The following SULT1C3 variants were observed in gnomAD, a reference collection of about 807,000 sequenced individuals.
SULT1C3 encodes the protein sulfotransferase family 1C member 3, also known as sulfotransferase 1C3.
In SULT1C3, 31 loss-of-function variants were observed where a neutral mutation model predicts 28.4. That is an observed-to-expected ratio of 1.09 (90% CI 0.82 to 1.47). SULT1C3 has a LOEUF of 1.47. SULT1C3 is among the 40% of genes most tolerant of loss of function. The pLI is 0.00. For synonymous variants in SULT1C3, 106 were observed against 92.2 expected, an observed-to-expected ratio of 1.15 and a Z score of -0.86; for missense variants, 307 against 272.5, an observed-to-expected ratio of 1.13 and a Z score of -0.89.
At chr2:108,245,378 A>G (rs1675553859) in intron 1 of SULT1C3, among the ~76,000 whole-genome samples, 1 of 152,202 alleles carries the variant, frequency 6.6e-6, no homozygotes, top group Non-Finnish European at 1.5e-5. Context: ...GGAGCATGCT[A>G]GATTGAACTC....
At chr2:108,240,528 CCAAA>C (rs1675441542) in intron 1 of SULT1C3, among the ~76,000 whole-genome samples, 1 of 151,954 alleles carries the variant, frequency 6.6e-6, no homozygotes, top group African/African-American at 2.4e-5. Flanking sequence ...TTTTATTTTC[CCAAA>C]CAAAGAAACC....
At chr2:108,264,710 A>T (rs1294448536), downstream of SULT1C3, 5 of 1,065,400 alleles carry the variant, frequency 4.7e-6, no homozygotes, top group Non-Finnish European at 6.7e-6. Context: ...AAATATTTTT[A>T]AAATGTGTTC....
At chr2:108,258,232 C>A (rs922600054) in intron 5 of SULT1C3, among the ~76,000 whole-genome samples, 2 of 152,082 alleles carry the variant, frequency 1.3e-5, no homozygotes, top group Admixed American at 1.3e-4. Flanking sequence ...TCCACTCATT[C>A]TCTTACCAAC....
intron 5 of SULT1C3, among the ~76,000 whole-genome samples, chr2:108,256,523 A>G (rs1371768600): frequency 1.3e-5 from 2 of 152,100 alleles, no homozygotes; most frequent in African/African-American, 2.4e-5. Flanking sequence ...CCACCATTTC[A>G]CTAACGTCTC....
rs61743463 is a variant in SULT1C3 at position 108,259,097 on chromosome 2, G to A, written c.753G>A (p.Ala251=). Residue 251 remains alanine, a synonymous_variant, in exon 7 of 8, where the codon GCG becomes GCA. Coordinates refer to ENST00000681802, the MANE Select transcript of SULT1C3 (RefSeq NM_001320878.2). The part of the protein sequence containing the change: ...MKDNPMANHT[A]VPAHIFNHSI... ...ATAATCCCATGGCCAACCATACTGC[G>A]GTACCTGCTCACATATTCAATCACT... 7.2e-4 allele frequency: 413 copies of A among 575,042 alleles called. 1 individual carries two copies. Among genetic ancestry groups the A allele is most frequent in the African/African-American group, 4.9e-3 (267 of 53,972 alleles). The allele number at this position is 575,042 out of a possible 1,614,324, so 35.6% of individuals were successfully genotyped here. A position where few individuals can be genotyped will look rare whatever the true frequency, so the allele number is the denominator to read the frequency against.
intron 1 of SULT1C3, among the ~76,000 whole-genome samples, 159 bp downstream of exon 1, chr2:108,240,242 G>A (rs2104379096): frequency 6.6e-6 from 1 of 152,312 alleles, no homozygotes; most frequent in East Asian, 1.9e-4. Context: ...GTCGTGAACT[G>A]AATGCCTCAT....
chr2:108,249,340 T>A (rs1675671033), intron 2 of SULT1C3, among the ~76,000 whole-genome samples: 2 of 152,050 alleles, frequency 1.3e-5, no homozygotes, highest in Admixed American at 1.3e-4. Context: ...AGACTTTTTC[T>A]CTGACAGCGA....
At chr2:108,243,541 G>A (rs1675510638) in intron 1 of SULT1C3, among the ~76,000 whole-genome samples, 1 of 151,332 alleles carries the variant, frequency 6.6e-6, no homozygotes. Context: ...TGAGGCAGGA[G>A]AACAGCGTGA....
intron 1 of SULT1C3, among the ~76,000 whole-genome samples, chr2:108,246,953 T>C (rs934479777): frequency 4.6e-5 from 7 of 152,160 alleles, no homozygotes; most frequent in African/African-American, 1.7e-4. Flanking sequence ...TATTTAAACT[T>C]ATAATGACTT....
intron 2 of SULT1C3, 74 bp downstream of exon 2, chr2:108,247,440 A>G: frequency 7.5e-7 from 1 of 1,336,530 alleles, no homozygotes; most frequent in Non-Finnish European, 9.9e-7. Context: ...TGATAAATGA[A>G]GCATGATTGG....
downstream of SULT1C3, chr2:108,264,998 G>A (rs970883826): frequency 6.2e-7 from 1 of 1,608,726 alleles, no homozygotes; most frequent in Non-Finnish European, 8.5e-7. Flanking sequence ...CCCCTTTTAT[G>A]AGGAAAGGTA....
At chr2:108,263,256 T>C (rs1221907579), downstream of SULT1C3, among the ~76,000 whole-genome samples, 2 of 152,188 alleles carry the variant, frequency 1.3e-5, no homozygotes, top group Non-Finnish European at 2.9e-5. Context: ...TCCTTTATTA[T>C]TTTGTCATGT....
At chr2:108,263,181 G>A (rs1010227882), downstream of SULT1C3, among the ~76,000 whole-genome samples, 5 of 151,924 alleles carry the variant, frequency 3.3e-5, no homozygotes, top group Admixed American at 6.6e-5. Flanking sequence ...GTTTGTGGAG[G>A]CCTGGGGAGT....
At chr2:108,264,431 T>C (rs1342097331), downstream of SULT1C3, among the ~76,000 whole-genome samples, 2 of 152,184 alleles carry the variant, frequency 1.3e-5, no homozygotes, top group Non-Finnish European at 2.9e-5. Context: ...GAGTTAGTTA[T>C]ACTATGCTTC....
intron 1 of SULT1C3, among the ~76,000 whole-genome samples, chr2:108,244,428 C>T (rs193130246): frequency 1.9e-4 from 29 of 152,306 alleles, no homozygotes; most frequent in Admixed American, 1.7e-3. Flanking sequence ...GTTCCAATTA[C>T]AGTTGTTATG....
Position 108,258,797 on chromosome 2 carries a change from T to C in SULT1C3, c.590T>C (p.Ile197Thr), listed in dbSNP as rs1404451096. ...GWWAAKDMHR[I>T]LYLFYEDIKK... ...TGGGCTGCAAAAGACATGCACCGGA[T>C]CCTCTACCTCTTCTACGAGGATATT... The change falls in exon 6 of 8, where the codon ATC (isoleucine) becomes ACC (threonine). Residue 197 changes from isoleucine to threonine, a missense_variant. Physicochemically the swap from Ile to Thr is moderately conservative, Grantham distance 89 (BLOSUM62 -1). Transcript: ENST00000681802. The C allele has an allele frequency of 3.1e-6, 5 of 1,612,664 alleles. No individual in the cohort carries two copies. The highest frequency in any genetic ancestry group is 4.2e-6 in the Non-Finnish European group (5 of 1,179,306).
chr2:108,260,533 C>G, intron 7 of SULT1C3, 35 bp from the exon 8 acceptor site: 1 of 495,814 alleles, frequency 2.0e-6, no homozygotes, highest in Non-Finnish European at 4.0e-6. Flanking sequence ...GGAATGGGTG[C>G]AGAGTCTGTC....
chr2:108,258,751 TTTGACCATGTGAAAGGA>T lies in SULT1C3; in HGVS notation c.546_562del (p.Phe182LeufsTer19). The T allele has an allele frequency of 1.2e-6, 2 of 1,612,772 alleles. No homozygotes were observed. Among genetic ancestry groups the T allele is most frequent in the Non-Finnish European group, 1.7e-6 (2 of 1,179,240 alleles). ...TCTTCCAGTTGTTGGCGGGTCCTGG[TTTGACCATGTGAAAGGA>T]TGGTGGGCTGCAAAAGACATGCACC... On this transcript the variant is annotated frameshift_variant, in exon 6 of 8. Transcript: ENST00000681802. LOFTEE classifies it high-confidence loss of function.
chr2:108,253,799 C>T (rs958693201), intron 4 of SULT1C3, among the ~76,000 whole-genome samples: 2 of 151,974 alleles, frequency 1.3e-5, no homozygotes, highest in African/African-American at 4.8e-5. Flanking sequence ...AAGATATTCT[C>T]CTGGCCTCAG....
Sources: gnomAD v4.1 joint callset for allele counts (sites outside exome capture counted in the v4.1 genomes callset) on GRCh38, gnomAD v4.1.1 for gene constraint, MANE v1.5 for transcripts, NCBI Gene and HGNC (gene_info 2026-07-23, HGNC 2026-07-21) for gene names.